The following SLC25A17 variants were observed in gnomAD, a reference collection of about 807,000 sequenced individuals.
SLC25A17 encodes the protein peroxisomal membrane protein PMP34.
SLC25A17 carries 26 observed loss-of-function variants against 38.5 expected under a neutral mutation model. The ratio of observed to expected loss-of-function variants is 0.68; its 90% confidence interval spans 0.50 to 0.94. SLC25A17 has a LOEUF of 0.94. Ranked by LOEUF, SLC25A17 falls within the 40% of genes least tolerant of loss-of-function variation. The probability of loss-of-function intolerance (pLI) is 0.00; values close to 1 mark genes in which losing one functional copy is unlikely to be tolerated. For synonymous variants in SLC25A17, 139 were observed against 136.2 expected (o/e 1.02, Z -0.14); for missense variants, 333 against 372.7 (o/e 0.89, Z 0.88).
chr22:40,817,150 T>G (rs1376944795), intron 1 of SLC25A17: 1 of 152,232 alleles, frequency 6.6e-6, no homozygotes, highest in African/African-American at 2.4e-5. Flanking sequence ...TCTTTTCAAT[T>G]AACCACTGGA....
At chr22:40,790,544 G>A (rs1054521448) in intron 4 of SLC25A17, among the ~76,000 whole-genome samples, 1 of 152,020 alleles carries the variant, frequency 6.6e-6, no homozygotes, top group Admixed American at 6.6e-5. Context: ...AAAGCTAACT[G>A]CCCTACTATA....
At chr22:40,807,705 C>T (rs1031253962) in intron 1 of SLC25A17, among the ~76,000 whole-genome samples, 1 of 152,042 alleles carries the variant, frequency 6.6e-6, no homozygotes, top group Non-Finnish European at 1.5e-5. Context: ...GCCGAGATCG[C>T]GCCACTGCAC....
chr22:40,787,555 A>G (rs1045200805), intron 4 of SLC25A17, among the ~76,000 whole-genome samples: 2 of 152,194 alleles, frequency 1.3e-5, no homozygotes, highest in Admixed American at 6.5e-5. Context: ...TCAGGCTTTT[A>G]TCCTATAAAA....
In SLC25A17 at chr22:40,793,053, C is replaced by CA. The variant is rs554746759; in HGVS notation, c.183-378dup. Reference sequence around the variant, plus strand: ...TGAAGTAATTATAGGAAATAAGTATCAAAAAAAAAAAAGATGGGGGAATTC... The same window carrying CA: ...TGAAGTAATTATAGGAAATAAGTATCAAAAAAAAAAAAAGATGGGGGAATTC... On this transcript the variant is annotated intron_variant, in intron 3 of 8. Transcript: ENST00000435456. Among the ~76,000 whole-genome samples the CA allele has an allele frequency of 5.7e-3, 785 of 138,812 alleles. 11 individuals are homozygous for CA. Among genetic ancestry groups the CA allele is most frequent in the African/African-American group, 0.015 (579 of 37,902 alleles). 91.1% of individuals were successfully genotyped at this position (138,812 alleles called of 152,430 possible).
intron 5 of SLC25A17, among the ~76,000 whole-genome samples, chr22:40,777,672 C>T (rs772545366): frequency 6.6e-6 from 1 of 151,540 alleles, no homozygotes; most frequent in African/African-American, 2.4e-5. Flanking sequence ...ATCTCAGCTA[C>T]TTGGGGGGCT....
intron 1 of SLC25A17, chr22:40,817,427 T>A (rs2145718516): frequency 6.6e-6 from 1 of 152,318 alleles, no homozygotes; most frequent in South Asian, 2.1e-4. Flanking sequence ...CATACACACT[T>A]CCCTAGTGAG....
chr22:40,789,166 G>T lies in SLC25A17; in HGVS notation c.334+3359C>A. 3.8e-6 allele frequency: 1 copy of T among 260,554 alleles called. No homozygotes were observed. The highest frequency in any genetic ancestry group is 4.1e-5 in the Admixed American group (1 of 24,276). The allele number at this position is 260,554 out of a possible 1,614,324, so 16.1% of individuals were successfully genotyped here. On this transcript the variant is annotated intron_variant, in intron 4 of 8. Coordinates refer to ENST00000435456, the MANE Select transcript of SLC25A17 (RefSeq NM_006358.4). The surrounding 1 kb of genome is among the most constrained non-coding windows in gnomAD (Gnocchi z 4.5). ...TACCACTTGCTCAGGAAAATTAGCT[G>T]TGGGGGATGCCCAGCTGCTTGTAGC...
intron 2 of SLC25A17, among the ~76,000 whole-genome samples, chr22:40,795,308 T>A (rs2057418965): frequency 6.6e-6 from 1 of 152,162 alleles, no homozygotes; most frequent in Non-Finnish European, 1.5e-5. Flanking sequence ...TTTTTTTTTT[T>A]TTGAGACGGA....
chr22:40,818,501 G>A (rs1450745454), intron 1 of SLC25A17, among the ~76,000 whole-genome samples: 2 of 152,018 alleles, frequency 1.3e-5, no homozygotes, highest in Admixed American at 6.6e-5. Context: ...TTGAGGCCAG[G>A]AATTCGAGAC....
intron 7 of SLC25A17, among the ~76,000 whole-genome samples, chr22:40,775,408 T>C (rs1225396485): frequency 2.0e-5 from 3 of 147,544 alleles, no homozygotes; most frequent in African/African-American, 7.5e-5. Context: ...GTTCTTGTGG[T>C]AGTGAATAAG....
intron 1 of SLC25A17, among the ~76,000 whole-genome samples, chr22:40,800,691 C>G (rs1171207855): frequency 2.0e-5 from 3 of 151,800 alleles, no homozygotes; most frequent in Non-Finnish European, 4.4e-5. Flanking sequence ...GCCACTGCAC[C>G]TGGCTTCATA....
intron 4 of SLC25A17, among the ~76,000 whole-genome samples, chr22:40,782,985 A>G (rs879466057): frequency 1.3e-5 from 2 of 152,228 alleles, no homozygotes; most frequent in Admixed American, 1.3e-4. Flanking sequence ...CGCTGTTCCT[A>G]GTTCTCCTTA....
rs538668717 is a variant in SLC25A17 at position 40,787,726 on chromosome 22, T to A, written c.334+4799A>T. Reference sequence around the variant, plus strand: ...TTTTTTTAGACTTGAAAAACACTTATTTTACTGTCTTCGACAACAACAACA... The same window carrying A: ...TTTTTTTAGACTTGAAAAACACTTAATTTACTGTCTTCGACAACAACAACA... On this transcript the variant is annotated intron_variant, in intron 4 of 8. Transcript: ENST00000435456. 3.7e-4 allele frequency among the ~76,000 whole-genome samples: 56 copies of A among 152,034 alleles called. 2 individuals are homozygous for A. In the South Asian group the frequency reaches 0.012, roughly 32 times the overall value.
intron 1 of SLC25A17, 29 bp downstream of exon 1, chr22:40,819,166 G>T (rs1178856175): frequency 6.2e-7 from 1 of 1,612,714 alleles, no homozygotes; most frequent in Non-Finnish European, 8.5e-7. Context: ...ATAACCCGTT[G>T]CGGCCCGGGC....
chr22:40,789,991 C>T lies in SLC25A17; in HGVS notation c.334+2534G>A, dbSNP rs571484225. ...AGATGATGCTCACAGTCAACACAGACCCGTAGACTCTCCTATGTGTCAACT... is the reference window on the plus strand; with the variant it reads ...AGATGATGCTCACAGTCAACACAGATCCGTAGACTCTCCTATGTGTCAACT... On this transcript the variant is annotated intron_variant, in intron 4 of 8. Coordinates refer to ENST00000435456, the MANE Select transcript of SLC25A17 (RefSeq NM_006358.4). This position sits in a 1 kb window ranked among gnomAD's most constrained non-coding sequence, Gnocchi z 4.5. 4.0e-4 allele frequency among the ~76,000 whole-genome samples: 61 copies of T among 151,938 alleles called. No homozygotes were observed. The highest frequency in any genetic ancestry group is 1.4e-3 in the African/African-American group (59 of 41,454).
chr22:40,813,115 A>G (rs182688613), intron 1 of SLC25A17, among the ~76,000 whole-genome samples: 60 of 152,356 alleles, frequency 3.9e-4, no homozygotes, highest in African/African-American at 1.3e-3. Flanking sequence ...GTTTAGGGAT[A>G]AAATATAGGT....
At chr22:40,782,150 G>A (rs2057300456) in intron 4 of SLC25A17, among the ~76,000 whole-genome samples, 1 of 152,088 alleles carries the variant, frequency 6.6e-6, no homozygotes, top group Non-Finnish European at 1.5e-5. Flanking sequence ...AACCCAGAAG[G>A]TGGAGGTTGC....
chr22:40,802,099 C>T (rs1228224361), intron 1 of SLC25A17, among the ~76,000 whole-genome samples: 1 of 151,930 alleles, frequency 6.6e-6, no homozygotes, highest in Non-Finnish European at 1.5e-5. Flanking sequence ...GCCGGTACTG[C>T]ATTTCTTTGA....
At position 40,795,012 on chromosome 22, in the gene SLC25A17, C is replaced by T. The variant is rs867419598; in HGVS notation, c.116-432G>A. The stretch of plus-strand genomic sequence containing the variant: ...AAGGGATCCTCATGCCTCAGCCTCC[C>T]AAAGTGCTGGGATTACAGGCGTGAG... On this transcript the variant is annotated intron_variant, in intron 2 of 8. Transcript: ENST00000435456. Among the ~76,000 whole-genome samples, 9 of 152,282 alleles carry T rather than the reference C, an allele frequency of 5.9e-5. No homozygotes were observed. In the Middle Eastern group the frequency reaches 0.01, roughly 173 times the overall value.
Sources: gnomAD v4.1 joint callset for allele counts (sites outside exome capture counted in the v4.1 genomes callset) on GRCh38, gnomAD v4.1.1 for gene constraint, Gnocchi (gnomAD v3.1) non-coding constraint, MANE v1.5 for transcripts, NCBI Gene and HGNC (gene_info 2026-07-23, HGNC 2026-07-21) for gene names.